MRPL1: variants seen among roughly 807,000 people sequenced by gnomAD.
MRPL1 encodes large ribosomal subunit protein uL1m.
MRPL1 carries 28 observed loss-of-function variants against 38.0 expected under a neutral mutation model. The observed-to-expected ratio is 0.74, with a 90% CI of 0.55 to 1.01. MRPL1 has a LOEUF of 1.01. Among genes scored for constraint, MRPL1 ranks in the 50% least tolerant of loss-of-function variants. The pLI is 0.00. For synonymous variants in MRPL1, 123 were observed against 126.7 expected (o/e 0.97, Z 0.20); for missense variants, 358 against 389.8 (o/e 0.92, Z 0.69).
At chr4:77,942,469 T>C (rs554604328) in intron 7 of MRPL1, among the ~76,000 whole-genome samples, 1 of 152,208 alleles carries the variant, frequency 6.6e-6, no homozygotes, top group Non-Finnish European at 1.5e-5. Context: ...AGTTTTGAAA[T>C]CTGCCACTAT....
chr4:77,938,461 C>G (rs541971067), intron 7 of MRPL1, among the ~76,000 whole-genome samples: 3 of 152,292 alleles, frequency 2.0e-5, no homozygotes, highest in African/African-American at 7.2e-5. Context: ...CCCTCTGGTT[C>G]AAATTCAGTA....
At chr4:77,881,765 T>C (rs566803171) in intron 2 of MRPL1, among the ~76,000 whole-genome samples, 1 of 152,304 alleles carries the variant, frequency 6.6e-6, no homozygotes, top group African/African-American at 2.4e-5. Context: ...ACAAGTATTC[T>C]CTAATCTGCC....
intron 7 of MRPL1, among the ~76,000 whole-genome samples, chr4:77,929,588 T>C (rs1736799592): frequency 6.6e-6 from 1 of 152,186 alleles, no homozygotes; most frequent in South Asian, 2.1e-4. Flanking sequence ...TTACAGATTT[T>C]GGCAAATATT....
chr4:77,887,255 A>AGCT lies in MRPL1; in HGVS notation c.525_527dup (p.Ala176dup), dbSNP rs766225503. On this transcript the variant is annotated inframe_insertion, in exon 5 of 9. Transcript: ENST00000315567. ...AGGTCAAAATAGCGGAAGAAAATGGAGCTGCATTTGCAGGAGGCACTAGTC... is the reference window on the plus strand; with the variant it reads ...AGGTCAAAATAGCGGAAGAAAATGGAGCTGCTGCATTTGCAGGAGGCACTAGTC... 1.2e-5 allele frequency: 20 copies of AGCT among 1,614,038 alleles called. No individual in the cohort carries two copies. Among genetic ancestry groups the AGCT allele is most frequent in the Non-Finnish European group, 1.7e-5 (20 of 1,179,898 alleles).
intron 7 of MRPL1, among the ~76,000 whole-genome samples, chr4:77,913,386 A>G (rs1037682295): frequency 2.0e-5 from 3 of 152,210 alleles, no homozygotes; most frequent in Non-Finnish European, 4.4e-5. Context: ...GATGACAAAC[A>G]CATGGAAAGA....
intron 8 of MRPL1, among the ~76,000 whole-genome samples, chr4:77,951,153 A>G (rs74605452): frequency 2.0e-5 from 3 of 152,242 alleles, no homozygotes; most frequent in Admixed American, 1.3e-4. Flanking sequence ...TACAGGTGTG[A>G]GCCACGGTGT....
chr4:77,950,423 T>G (rs1384403339), intron 8 of MRPL1, among the ~76,000 whole-genome samples: 1 of 152,226 alleles, frequency 6.6e-6, no homozygotes, highest in East Asian at 1.9e-4. Flanking sequence ...CCAGTTTCTT[T>G]ATCATTGCGT....
In MRPL1 at chr4:77,948,774, T is replaced by C. The variant is rs577541176; in HGVS notation, c.778-1023T>C. Among the ~76,000 whole-genome samples the C allele has an allele frequency of 1.0e-3, 150 of 150,146 alleles. 3 individuals carry two copies. Among genetic ancestry groups the C allele is most frequent in the South Asian group, 2.3e-3 (11 of 4,784 alleles). ...TTATATGAATCTTCTTCTTCTTCTT[T>C]TTTTTTTTTTTTTGAGACAGAGTTT... is the stretch of plus-strand genomic sequence containing the variant. On this transcript the variant is annotated intron_variant, in intron 7 of 8. Coordinates refer to ENST00000315567, the MANE Select transcript of MRPL1 (RefSeq NM_020236.4).
chr4:77,949,687 G>T lies in MRPL1; in HGVS notation c.778-110G>T. 8 of 655,124 alleles carry T rather than the reference G, an allele frequency of 1.2e-5. No homozygotes were observed. The South Asian group carries it at 1.7e-4, about 14-fold the overall frequency. The allele number at this position is 655,124 out of a possible 1,614,324, so 40.6% of individuals were successfully genotyped here. A position where few individuals can be genotyped will look rare whatever the true frequency, so the allele number is the denominator to read the frequency against. On this transcript the variant is annotated intron_variant, in intron 7 of 8. Coordinates refer to ENST00000315567, the MANE Select transcript of MRPL1 (RefSeq NM_020236.4). Reference sequence around the variant, plus strand: ...AGAGGTTTTCCCCTTTCACAGTAGGGTCATTTACTAGATAATTTGCATTGG... The same window carrying T: ...AGAGGTTTTCCCCTTTCACAGTAGGTTCATTTACTAGATAATTTGCATTGG...
chr4:77,867,842 T>C (rs1056827103), intron 1 of MRPL1, among the ~76,000 whole-genome samples: 11 of 148,732 alleles, frequency 7.4e-5, no homozygotes, highest in African/African-American at 1.7e-4. Context: ...CTGCCAGCTC[T>C]GCCTTCCGGG....
At chr4:77,900,367 C>T (rs1453815209) in intron 6 of MRPL1, among the ~76,000 whole-genome samples, 1 of 152,068 alleles carries the variant, frequency 6.6e-6, no homozygotes, top group Non-Finnish European at 1.5e-5. Flanking sequence ...GAGATGAGAG[C>T]AAACTGCTGC....
At chr4:77,935,485 C>T (rs1304649860) in intron 7 of MRPL1, among the ~76,000 whole-genome samples, 2 of 151,938 alleles carry the variant, frequency 1.3e-5, no homozygotes, top group Non-Finnish European at 2.9e-5. Context: ...CCTCTGCCTC[C>T]CGGATTCAAG....
intron 6 of MRPL1, among the ~76,000 whole-genome samples, chr4:77,896,351 GT>G (rs1207316860): frequency 6.6e-6 from 1 of 152,008 alleles, no homozygotes; most frequent in Admixed American, 6.6e-5. Flanking sequence ...ACCTAAGTAT[GT>G]TTTTCCCCCC....
At chr4:77,909,443 T>C (rs949240783) in intron 7 of MRPL1, 71 bp downstream of exon 7, 3 of 946,642 alleles carry the variant, frequency 3.2e-6, no homozygotes, top group Non-Finnish European at 4.9e-6. Flanking sequence ...TAATTTATAA[T>C]ATTATAAAAT....
At chr4:77,928,665 C>A (rs772877438) in intron 7 of MRPL1, among the ~76,000 whole-genome samples, 5 of 152,104 alleles carry the variant, frequency 3.3e-5, no homozygotes, top group Non-Finnish European at 7.4e-5. Context: ...AATATTTATC[C>A]AGAATCCTCC....
At chr4:77,950,316 T>C (rs891765586) in intron 8 of MRPL1, among the ~76,000 whole-genome samples, 10 of 152,232 alleles carry the variant, frequency 6.6e-5, no homozygotes, top group African/African-American at 2.4e-4. Flanking sequence ...ATCATTTTAT[T>C]ATGTCATGAG....
At chr4:77,923,672 ACAC>A (rs1308790350) in intron 7 of MRPL1, among the ~76,000 whole-genome samples, 1 of 152,086 alleles carries the variant, frequency 6.6e-6, no homozygotes, top group Non-Finnish European at 1.5e-5. Flanking sequence ...GTGGTGGCTC[ACAC>A]CTGTAATCCC....
chr4:77,935,334 GC>G (rs1459470024), intron 7 of MRPL1, among the ~76,000 whole-genome samples: 2 of 152,182 alleles, frequency 1.3e-5, no homozygotes, highest in Non-Finnish European at 2.9e-5. Context: ...CTTGTTAGGA[GC>G]TGTAGTGGTG....
At chr4:77,908,111 C>T (rs1736201061) in intron 6 of MRPL1, among the ~76,000 whole-genome samples, 1 of 151,636 alleles carries the variant, frequency 6.6e-6, no homozygotes, top group African/African-American at 2.4e-5. Flanking sequence ...TAATGAGCTA[C>T]CTCTATACTG....
Sources: gnomAD v4.1 joint callset for allele counts (sites outside exome capture counted in the v4.1 genomes callset) on GRCh38, gnomAD v4.1.1 for gene constraint, MANE v1.5 for transcripts, NCBI Gene and HGNC (gene_info 2026-07-23, HGNC 2026-07-21) for gene names.